Variants in RBFOX1 observed in about 807,000 individuals in gnomAD.
RBFOX1 encodes the protein RNA binding fox-1 homolog 1.
Under a neutral mutation model 57.7 loss-of-function variants are expected in RBFOX1, and 8 were observed. That is an observed-to-expected ratio of 0.14 (90% CI 0.08 to 0.25). The LOEUF (loss-of-function observed/expected upper bound fraction) is 0.25. RBFOX1 is among the 10% of genes least tolerant of loss of function. RBFOX1 has a pLI of 1.00. For missense variants in RBFOX1, 611 were observed against 548.5 expected (o/e 1.11, Z -1.14); for synonymous variants, 326 against 222.4 (o/e 1.47, Z -4.15).
At chr16:6,009,335 G>C (rs2094946359) in intron 4 of RBFOX1, among the ~76,000 whole-genome samples, 1 of 152,100 alleles carries the variant, frequency 6.6e-6, no homozygotes, top group Non-Finnish European at 1.5e-5. Context: ...AGTCAAGTAG[G>C]GCTTTGATAC....
chr16:7,381,669 A>C (rs1222113927), intron 4 of RBFOX1, among the ~76,000 whole-genome samples: 1 of 152,186 alleles, frequency 6.6e-6, no homozygotes, highest in Non-Finnish European at 1.5e-5. Flanking sequence ...TTGGTAGGAA[A>C]AATGCAAATG....
intron 14 of RBFOX1, among the ~76,000 whole-genome samples, chr16:7,705,433 G>A (rs554359737): frequency 2.8e-4 from 43 of 151,650 alleles, no homozygotes; most frequent in Non-Finnish European, 5.4e-4. Flanking sequence ...TGAACTTGAG[G>A]GACGGAGCTT....
At chr16:5,733,786 C>A (rs1344289891) in intron 3 of RBFOX1, among the ~76,000 whole-genome samples, 2 of 151,628 alleles carry the variant, frequency 1.3e-5, no homozygotes, top group Non-Finnish European at 2.9e-5. Flanking sequence ...TTCTTCCCAG[C>A]CCTTCCTTCC....
At chr16:7,579,337 G>A (rs1383054497) in intron 5 of RBFOX1, among the ~76,000 whole-genome samples, 3 of 152,184 alleles carry the variant, frequency 2.0e-5, no homozygotes, top group Non-Finnish European at 4.4e-5. Context: ...TCTGAACAGC[G>A]TCGGTTAAGA....
In RBFOX1 at chr16:6,519,849, C is replaced by G. The variant is rs182715409; in HGVS notation, c.-63-134754C>G. Among the ~76,000 whole-genome samples the G allele has an allele frequency of 4.7e-4, 71 of 152,260 alleles. 2 individuals are homozygous for G. In the East Asian group the frequency reaches 0.012, roughly 26 times the overall value. On this transcript the variant is annotated intron_variant, in intron 2 of 15. Coordinates refer to ENST00000550418, the MANE Select transcript of RBFOX1 (RefSeq NM_018723.4). ...TCCATTTCATAGGACTGAGGGTTAG[C>G]AAGATGAAAGGACTTAACCAGAACT...
chr16:7,573,781 G>C (rs2093034103), intron 5 of RBFOX1, among the ~76,000 whole-genome samples: 1 of 151,832 alleles, frequency 6.6e-6, no homozygotes, highest in South Asian at 2.1e-4. Context: ...GTTGCAGTGA[G>C]GTAAGATTGT....
chr16:5,342,251 G>C (rs530416858), intron 1 of RBFOX1, among the ~76,000 whole-genome samples: 56 of 152,306 alleles, frequency 3.7e-4, no homozygotes, highest in African/African-American at 1.2e-3. Context: ...GCCATCTGTT[G>C]AGATTTGAGG....
chr16:7,218,333 A>T (rs555260400), intron 4 of RBFOX1, among the ~76,000 whole-genome samples: 6 of 152,244 alleles, frequency 3.9e-5, no homozygotes, highest in South Asian at 4.1e-4. Flanking sequence ...TCATCAGTAT[A>T]TTGTTTTCTG....
At chr16:6,102,951 G>A (rs1399896311) in intron 1 of RBFOX1, among the ~76,000 whole-genome samples, 2 of 152,164 alleles carry the variant, frequency 1.3e-5, no homozygotes, top group Admixed American at 6.5e-5. Context: ...TTCTTAGAGT[G>A]TTCAGGGCCA....
intron 11 of RBFOX1, among the ~76,000 whole-genome samples, chr16:7,644,475 T>C (rs17144439): frequency 0.013 from 1,976 of 152,306 alleles, 50 homozygotes; most frequent in African/African-American, 0.044. Context: ...CAGGATCCCT[T>C]ATCACTAACT....
intron 3 of RBFOX1, among the ~76,000 whole-genome samples, chr16:5,799,898 T>A (rs1183916011): frequency 1.3e-5 from 2 of 152,108 alleles, no homozygotes; most frequent in Non-Finnish European, 2.9e-5. Context: ...TTAAAAAAAA[T>A]AAGTGGGAGA....
intron 1 of RBFOX1, among the ~76,000 whole-genome samples, chr16:6,148,728 A>G (rs1202978062): frequency 6.6e-6 from 1 of 152,200 alleles, no homozygotes; most frequent in Non-Finnish European, 1.5e-5. Flanking sequence ...AGTAAAGTTC[A>G]TTTGCCATAC....
chr16:5,804,688 T>G lies in RBFOX1; in HGVS notation c.319-62615T>G, dbSNP rs369111244. Among the ~76,000 whole-genome samples the G allele has an allele frequency of 3.8e-4, 58 of 152,286 alleles. 1 individual carries two copies. The East Asian group carries it at 7.5e-3, about 20-fold the overall frequency. The stretch of plus-strand genomic sequence containing the variant: ...TTGTGAAAGCCTGGTCCTAATTAAT[T>G]ACGGTGGCCTTTCAGCAAGTTGGTC... On this transcript the variant is annotated intron_variant, in intron 3 of 19. Transcript: ENST00000641259.
At chr16:6,840,050 C>G (rs1402066624) in intron 3 of RBFOX1, among the ~76,000 whole-genome samples, 1 of 152,108 alleles carries the variant, frequency 6.6e-6, no homozygotes, top group East Asian at 1.9e-4. Context: ...AAACAAAAAT[C>G]CGTGAGTTTA....
intron 3 of RBFOX1, among the ~76,000 whole-genome samples, chr16:7,026,360 A>G (rs1423522475): frequency 6.6e-6 from 1 of 152,204 alleles, no homozygotes; most frequent in East Asian, 1.9e-4. Flanking sequence ...GGGTTTTGCA[A>G]AGGAATTCAA....
At chr16:7,309,134 G>T (rs1270561777) in intron 4 of RBFOX1, among the ~76,000 whole-genome samples, 2 of 152,194 alleles carry the variant, frequency 1.3e-5, no homozygotes, top group Non-Finnish European at 2.9e-5. Context: ...TAGAAGAAAG[G>T]TCCCTCAGTC....
rs5815363 is a variant in RBFOX1, at chr16:7,082,980, GA to G, written c.27+30889del. Among the ~76,000 whole-genome samples, 26 of 151,952 alleles carry G rather than the reference GA, an allele frequency of 1.7e-4. No individual in the cohort carries two copies. The South Asian group carries it at 5.2e-3, about 30-fold the overall frequency. On this transcript the variant is annotated intron_variant, in intron 4 of 15. Coordinates refer to ENST00000550418, the MANE Select transcript of RBFOX1 (RefSeq NM_018723.4). Reference sequence around the variant, plus strand: ...ACCTACCAGCCTGCTTGTAAATATGGAAAAAAATGGTTTTGAATTGAATATT... The same window carrying G: ...ACCTACCAGCCTGCTTGTAAATATGGAAAAAATGGTTTTGAATTGAATATT...
chr16:5,268,422 GTT>G (rs2062916474), intron 1 of RBFOX1, among the ~76,000 whole-genome samples: 1 of 152,224 alleles, frequency 6.6e-6, no homozygotes, highest in Non-Finnish European at 1.5e-5. Flanking sequence ...TTAGTCAAGA[GTT>G]AGGATTTCAA....
chr16:5,493,955 G>T (rs1567160106), intron 2 of RBFOX1, among the ~76,000 whole-genome samples: 1 of 152,184 alleles, frequency 6.6e-6, no homozygotes, highest in South Asian at 2.1e-4. Context: ...AAAGAAAAAG[G>T]ATAGAAAATA....
Sources: gnomAD v4.1 joint callset for allele counts (sites outside exome capture counted in the v4.1 genomes callset) on GRCh38, gnomAD v4.1.1 for gene constraint, MANE v1.5 for transcripts, NCBI Gene and HGNC (gene_info 2026-07-23, HGNC 2026-07-21) for gene names.